BAK1: variants seen among roughly 807,000 people sequenced by gnomAD.
BAK1 encodes BCL2 antagonist/killer 1.
Under a neutral mutation model 24.7 loss-of-function variants are expected in BAK1, and 19 were observed. The observed-to-expected ratio is 0.77, with a 90% confidence interval of 0.54 to 1.13. The LOEUF (loss-of-function observed/expected upper bound fraction) is 1.13, where lower values mean the gene tolerates loss of function less well. Ranked by LOEUF, BAK1 falls within the 50% of genes most tolerant of loss-of-function variation. The pLI is 0.00. For synonymous variants in BAK1, 86 were observed against 107.3 expected (o/e 0.80, Z 1.23); for missense variants, 194 against 279.4 (o/e 0.69, Z 2.18).
At chr6:33,579,513 G>C (rs896333161) in intron 1 of BAK1, among the ~76,000 whole-genome samples, 2 of 152,132 alleles carry the variant, frequency 1.3e-5, no homozygotes, top group African/African-American at 4.8e-5. Flanking sequence ...AGGCTTCCGA[G>C]GGGAGCAGGT....
At chr6:33,576,477 C>T (rs2151256621) in intron 2 of BAK1, among the ~76,000 whole-genome samples, 1 of 151,348 alleles carries the variant, frequency 6.6e-6, no homozygotes, top group South Asian at 2.1e-4. Flanking sequence ...AAACAAAATA[C>T]AAAAAATTAG....
chr6:33,573,895 T>C lies in BAK1; in HGVS notation c.544A>G (p.Asn182Asp), dbSNP rs1464955260. 19 of 1,613,996 alleles carry C rather than the reference T, an allele frequency of 1.2e-5. No homozygotes were observed. The highest frequency in any genetic ancestry group is 1.6e-5 in the Non-Finnish European group (19 of 1,180,026). The change falls in exon 6 of 6, where the codon AAC becomes GAC. Residue 182 changes from asparagine (N) to aspartate (D), a missense_variant. By Grantham distance (23) the Asn-to-Asp change is conservative. Coordinates refer to ENST00000374467, the MANE Select transcript of BAK1 (RefSeq NM_001188.4). ...AQRGGWVAAL[N>D]LGNGPILNVL... ...TTCAGGATGGGACCATTGCCCAAGT[T>C]CAGGGCTGCCACCTGCCGGGAGAAA...
chr6:33,579,510 C>G (rs5745576), intron 1 of BAK1, among the ~76,000 whole-genome samples: 2,594 of 152,240 alleles, frequency 0.017, 30 homozygotes, highest in Non-Finnish European at 0.026. Flanking sequence ...CCCAGGCTTC[C>G]GAGGGGAGCA....
chr6:33,574,992 T>A lies in BAK1; in HGVS notation c.350+306A>T, dbSNP rs557489635. On this transcript the variant is annotated intron_variant, in intron 4 of 5. Transcript: ENST00000374467. ...AAATTGGAACTATGAAGGACAGCTA[T>A]GTCCCAGCTGGGCTGGGGAGCTGTG... 2.6e-5 allele frequency among the ~76,000 whole-genome samples: 4 copies of A among 152,340 alleles called. No homozygotes were observed. In the South Asian group the frequency reaches 6.2e-4, roughly 24 times the overall value.
Position 33,577,470 on chromosome 6 carries a change from C to T in BAK1, c.70+65G>A, listed in dbSNP as rs1006509102. On this transcript the variant is annotated intron_variant, in intron 2 of 5. Coordinates refer to ENST00000374467, the MANE Select transcript of BAK1 (RefSeq NM_001188.4). The surrounding 1 kb of genome is among the most constrained non-coding windows in gnomAD (Gnocchi z 4.6). ...GGCGAAGGAGCCTGCCTGAGTCCTG[C>T]TCCTTCCATCCTCACGACAGCACTC... 7.0e-7 allele frequency: 1 copy of T among 1,431,638 alleles called. No homozygotes were observed. The highest frequency in any genetic ancestry group is 9.4e-7 in the Non-Finnish European group (1 of 1,062,018). 88.7% of individuals were successfully genotyped at this position (1,431,638 alleles called of 1,614,324 possible). A position where few individuals can be genotyped will look rare whatever the true frequency, so the allele number is the denominator to read the frequency against.
In BAK1 at chr6:33,578,212, G is replaced by GT. The variant is rs1252027821; in HGVS notation, c.-31-578dup. 6.6e-6 allele frequency among the ~76,000 whole-genome samples: 1 copy of GT among 152,180 alleles called. No individual in the cohort carries two copies. The highest frequency in any genetic ancestry group is 1.5e-5 in the Non-Finnish European group (1 of 68,032). ...CCCTCTGGCTGGCCAGAACACACCT[G>GT]TTTTTTAACTCTGGGCTGTTAGCCG... On this transcript the variant is annotated intron_variant, in intron 1 of 5. Coordinates refer to ENST00000374467, the MANE Select transcript of BAK1 (RefSeq NM_001188.4). This position sits in a 1 kb window ranked among gnomAD's most constrained non-coding sequence, Gnocchi z 4.8.
At chr6:33,576,634 AAAAACAAAAC>A (rs944958059) in intron 2 of BAK1, among the ~76,000 whole-genome samples, 6 of 151,862 alleles carry the variant, frequency 4.0e-5, no homozygotes, top group Non-Finnish European at 5.9e-5. Context: ...CTCCATCTCA[AAAAACAAAAC>A]AAAACAAAAC....
chr6:33,574,535 C>A, intron 4 of BAK1: 1 of 1,403,376 alleles, frequency 7.1e-7, no homozygotes, highest in Non-Finnish European at 9.4e-7. Context: ...CCTGGCAGCC[C>A]GAGGGACAGC....
At chr6:33,574,620 G>T in intron 4 of BAK1, 1 of 1,080,484 alleles carries the variant, frequency 9.3e-7, no homozygotes, top group Non-Finnish European at 1.3e-6. Context: ...CTAAGTTCAC[G>T]GACTGGATAT....
rs1170822781 is a variant in BAK1, at chr6:33,573,508, G to A, written c.*295C>T. 1 of 408,600 alleles carries A rather than the reference G, an allele frequency of 2.4e-6. No individual in the cohort carries two copies. Among genetic ancestry groups the A allele is most frequent in the Non-Finnish European group, 4.4e-6 (1 of 226,850 alleles). The allele number at this position is 408,600 out of a possible 1,614,324, so 25.3% of individuals were successfully genotyped here. The stretch of plus-strand genomic sequence containing the variant: ...GGCTCCCAGTCTCTTGCCTCCCCAA[G>A]TTATCAGTCTCCCCAGCGCCTAGCA... On this transcript the variant is annotated 3_prime_UTR_variant, in exon 6 of 6. Transcript: ENST00000374467.
At chr6:33,576,665 A>AC (rs1403896774) in intron 2 of BAK1, among the ~76,000 whole-genome samples, 1 of 148,220 alleles carries the variant, frequency 6.7e-6, no homozygotes, top group Non-Finnish European at 1.5e-5. Flanking sequence ...AACAACAACA[A>AC]AAAAAACAAA....
intron 4 of BAK1, 71 bp from the exon 5 acceptor site, chr6:33,574,285 C>A (rs1762807970): frequency 6.4e-7 from 1 of 1,554,708 alleles, no homozygotes; most frequent in East Asian, 2.3e-5. Flanking sequence ...TGGCCTCTCC[C>A]ACCCCTCTCC....
chr6:33,578,827 A>G lies in BAK1; in HGVS notation c.-31-1192T>C, dbSNP rs1218415335. ...CTCAGAAGGAGAGCGCCCTCCTCCT[A>G]TCCCAGAGGGAGGGGGTGTGCAGCC... On this transcript the variant is annotated intron_variant, in intron 1 of 5. Transcript: ENST00000374467. This position sits in a 1 kb window ranked among gnomAD's most constrained non-coding sequence, Gnocchi z 4.8. Among the ~76,000 whole-genome samples, 1 of 152,016 alleles carries G rather than the reference A, an allele frequency of 6.6e-6. No homozygotes were observed. Among genetic ancestry groups the G allele is most frequent in the African/African-American group, 2.4e-5 (1 of 41,386 alleles).
rs1191057906 is a variant in BAK1 at position 33,575,150 on chromosome 6, G to C, written c.350+148C>G. 1 of 1,227,078 alleles carries C rather than the reference G, an allele frequency of 8.1e-7. No homozygotes were observed. Among genetic ancestry groups the C allele is most frequent in the East Asian group, 2.5e-5 (1 of 40,516 alleles). 76.0% of individuals were successfully genotyped at this position (1,227,078 alleles called of 1,614,324 possible). The stretch of plus-strand genomic sequence containing the variant: ...GGACCCCGAAAGAGAAAAATAGGGG[G>C]CCGAGACCACATGTGAGTTCACAGC... On this transcript the variant is annotated intron_variant, in intron 4 of 5. Transcript: ENST00000374467. This position sits in a 1 kb window ranked among gnomAD's most constrained non-coding sequence, Gnocchi z 6.3.
rs955428407 is a variant in BAK1 at position 33,573,584 on chromosome 6, C to G, written c.*219G>C. 5 of 587,794 alleles carry G rather than the reference C, an allele frequency of 8.5e-6. No individual in the cohort carries two copies. Among genetic ancestry groups the G allele is most frequent in the African/African-American group, 7.5e-5 (4 of 53,660 alleles). 36.4% of individuals were successfully genotyped at this position (587,794 alleles called of 1,614,324 possible). On this transcript the variant is annotated 3_prime_UTR_variant, in exon 6 of 6. Transcript: ENST00000374467. Reference sequence around the variant, plus strand: ...GCTGAGGGAGGAGACGGCCACAGCCCCTGGGCCCAGAGAGAGGGCCCACTA... The same window carrying G: ...GCTGAGGGAGGAGACGGCCACAGCCGCTGGGCCCAGAGAGAGGGCCCACTA...
intron 2 of BAK1, 105 bp from the exon 3 acceptor site, chr6:33,576,033 G>C: frequency 6.6e-7 from 1 of 1,517,502 alleles, no homozygotes; most frequent in Non-Finnish European, 8.9e-7. Flanking sequence ...CTCACCCATG[G>C]AAAGAAATAT....
chr6:33,574,740 A>G (rs1025203931), intron 4 of BAK1, among the ~76,000 whole-genome samples: 1 of 152,190 alleles, frequency 6.6e-6, no homozygotes, highest in Non-Finnish European at 1.5e-5. Flanking sequence ...GCAATGGCTA[A>G]CACTTTGTAA....
Position 33,574,126 on chromosome 6 carries a change from G to T in BAK1, c.439C>A (p.Leu147Met). The T allele has an allele frequency of 6.2e-7, 1 of 1,614,208 alleles. No homozygotes were observed. Among genetic ancestry groups the T allele is most frequent in the Non-Finnish European group, 8.5e-7 (1 of 1,180,042 alleles). ...RLALHVYQHG[L>M]TGFLGQVTRF... ...GTCACCTGGCCTAGGAAGCCAGTCA[G>T]GCCATGCTGGTAGACGTGTAGGGCC... The change falls in exon 5 of 6, where the codon CTG becomes ATG. Residue 147 changes from leucine (L) to methionine (M), a missense_variant. Coordinates refer to ENST00000374467, the MANE Select transcript of BAK1 (RefSeq NM_001188.4).
Position 33,575,349 on chromosome 6 carries a change from A to T in BAK1, c.299T>A (p.Leu100Gln). ...DSEFQTMLQHLQPTAENAYEY... is the reference protein window; with the variant it reads ...DSEFQTMLQHQQPTAENAYEY... ...ATAGGCATTCTCTGCCGTGGGCTGC[A>T]GGTGCTGCAACATGGTCTGGAACTC... Residue 100 changes from leucine to glutamine, a missense_variant, in exon 4 of 6, where the codon CTG (leucine) becomes CAG (glutamine). Leu to Gln is a moderately radical substitution (Grantham distance 113, BLOSUM62 -2). Transcript: ENST00000374467. The surrounding 1 kb of genome is among the most constrained non-coding windows in gnomAD (Gnocchi z 6.3). The T allele has an allele frequency of 6.2e-7, 1 of 1,614,196 alleles. No individual in the cohort carries two copies.
Sources: allele counts gnomAD v4.1 joint callset (sites outside exome capture counted in the v4.1 genomes callset), GRCh38; gene constraint gnomAD v4.1.1; non-coding constraint Gnocchi (gnomAD v3.1); transcripts MANE v1.5; gene names NCBI Gene and HGNC (gene_info 2026-07-23, HGNC 2026-07-21).